Variants in MYO16 observed in about 807,000 individuals in gnomAD.
MYO16 encodes myosin XVI, also known as unconventional myosin-XVI.
A neutral mutation model predicts 205.3 loss-of-function variants in MYO16; 94 were observed. The ratio of observed to expected loss-of-function variants is 0.46; its 90% CI spans 0.39 to 0.54. The LOEUF is 0.54. Among genes scored for constraint, MYO16 ranks in the 20% least tolerant of loss-of-function variants. MYO16 has a pLI of 0.00. For missense variants in MYO16, 2,315 were observed against 2,387.5 expected (o/e 0.97, Z 0.63); for synonymous variants, 988 against 954.0 (o/e 1.04, Z -0.66).
chr13:108,915,710 G>A (rs1256611467), intron 16 of MYO16, among the ~76,000 whole-genome samples: 1 of 152,164 alleles, frequency 6.6e-6, no homozygotes, highest in Non-Finnish European at 1.5e-5. Context: ...AATCCAAAAA[G>A]TTATTCTGAA....
chr13:108,970,019 T>C (rs1344241602), intron 20 of MYO16, among the ~76,000 whole-genome samples: 1 of 152,220 alleles, frequency 6.6e-6, no homozygotes, highest in Non-Finnish European at 1.5e-5. Flanking sequence ...CCATTAAGTA[T>C]TTGCCATTCT....
the MYO16 span, among the ~76,000 whole-genome samples, chr13:108,549,382 T>A: frequency 6.6e-6 from 1 of 150,704 alleles, no homozygotes; most frequent in African/African-American, 2.4e-5. Context: ...CTGGATCTTC[T>A]CAAAGGAGCA....
intron 2 of MYO16, among the ~76,000 whole-genome samples, chr13:108,701,417 C>T (rs1009655338): frequency 3.3e-5 from 5 of 151,962 alleles, no homozygotes; most frequent in Admixed American, 3.3e-4. Context: ...GTGGGAGTGG[C>T]CCCCTTTTAA....
At chr13:109,048,297 T>G (rs1215096695) in intron 24 of MYO16, 2 of 726,468 alleles carry the variant, frequency 2.8e-6, no homozygotes, top group Non-Finnish European at 5.1e-6. Flanking sequence ...CAAAAAAAAG[T>G]TCCAGGAAAA....
chr13:109,173,931 G>A (rs1476223885), intron 33 of MYO16, among the ~76,000 whole-genome samples: 1 of 113,946 alleles, frequency 8.8e-6, no homozygotes, highest in Admixed American at 8.3e-5. Context: ...CTCTGAAAGG[G>A]TTGTCCTTGT....
At position 109,127,367 on chromosome 13, in the gene MYO16, G is replaced by T. The variant is rs377315850; in HGVS notation, c.3868G>T (p.Val1290Phe). The T allele has an allele frequency of 1.2e-6, 2 of 1,613,526 alleles. No individual in the cohort carries two copies. The change falls in exon 31 of 35, where the codon GTT becomes TTT. Residue 1290 changes from valine to phenylalanine, a missense_variant. Coordinates refer to ENST00000457511, the MANE Select transcript of MYO16 (RefSeq NM_001198950.3). This position sits in a 1 kb window ranked among gnomAD's most constrained non-coding sequence, Gnocchi z 4.2. Reference protein sequence around the residue: ...AAVDGLGQCLVGPSIWSPSLH... With the variant: ...AAVDGLGQCLFGPSIWSPSLH... The stretch of plus-strand genomic sequence containing the variant: ...CGTGGATGGCCTGGGCCAGTGCCTC[G>T]TTGGCCCGTCCATCTGGTCTCCTTC...
At chr13:108,869,731 T>TA (rs68025820) in intron 12 of MYO16, among the ~76,000 whole-genome samples, 2,444 of 66,900 alleles carry the variant, frequency 0.037, 221 homozygotes, top group Non-Finnish European at 0.042. Context: ...ACTCCGTTTC[T>TA]AAAAAAAAAA....
At chr13:109,000,407 G>T (rs924366728) in intron 21 of MYO16, among the ~76,000 whole-genome samples, 1 of 152,190 alleles carries the variant, frequency 6.6e-6, no homozygotes, top group Non-Finnish European at 1.5e-5. Flanking sequence ...GCAGATGTGT[G>T]AGGCCGCAGG....
chr13:108,725,146 A>G (rs571616163), intron 3 of MYO16, among the ~76,000 whole-genome samples: 9 of 152,254 alleles, frequency 5.9e-5, no homozygotes, highest in Admixed American at 3.9e-4. Flanking sequence ...AGTCTTTTTA[A>G]TATCTTTCAT....
At chr13:108,853,270 C>T (rs537484061) in intron 10 of MYO16, among the ~76,000 whole-genome samples, 10 of 152,126 alleles carry the variant, frequency 6.6e-5, no homozygotes, top group African/African-American at 2.2e-4. Context: ...TTTTGACAAC[C>T]CAGGAAACAC....
chr13:108,951,842 C>T (rs1025943936), intron 16 of MYO16, among the ~76,000 whole-genome samples: 1 of 152,182 alleles, frequency 6.6e-6, no homozygotes, highest in Non-Finnish European at 1.5e-5. Flanking sequence ...GTGGCGCATG[C>T]CTGTAATCCC....
intron 9 of MYO16, among the ~76,000 whole-genome samples, chr13:108,825,901 T>G (rs1876236351): frequency 6.6e-6 from 1 of 151,606 alleles, no homozygotes; most frequent in Non-Finnish European, 1.5e-5. Context: ...ACAAGAAAAT[T>G]TAAGAAAAGA....
At chr13:108,532,554 A>T in the MYO16 span, among the ~76,000 whole-genome samples, 4 of 151,812 alleles carry the variant, frequency 2.6e-5, no homozygotes, top group African/African-American at 2.4e-5. Context: ...AGGACTTGGG[A>T]TGCTGAGGTG....
chr13:108,810,827 G>T (rs967437482), intron 7 of MYO16, among the ~76,000 whole-genome samples: 1 of 152,138 alleles, frequency 6.6e-6, no homozygotes, highest in Non-Finnish European at 1.5e-5. Flanking sequence ...TATGGAGAAG[G>T]AGGTAGCTCA....
intron 20 of MYO16, among the ~76,000 whole-genome samples, chr13:108,974,004 C>A (rs915959332): frequency 6.6e-6 from 1 of 151,634 alleles, no homozygotes; most frequent in East Asian, 1.9e-4. Flanking sequence ...GACTGTCTAA[C>A]CAAATGACAG....
chr13:109,159,356 G>C (rs1594141459), intron 32 of MYO16, among the ~76,000 whole-genome samples: 2 of 152,286 alleles, frequency 1.3e-5, no homozygotes, highest in South Asian at 4.2e-4. Context: ...GTGGTGCGTG[G>C]CTTTACTGTA....
At chr13:108,768,323 T>C (rs915972649) in intron 4 of MYO16, among the ~76,000 whole-genome samples, 1 of 152,160 alleles carries the variant, frequency 6.6e-6, no homozygotes, top group Non-Finnish European at 1.5e-5. Flanking sequence ...TAGTAGAAAA[T>C]ACAAGATGAA....
intron 28 of MYO16, among the ~76,000 whole-genome samples, chr13:109,105,316 C>CA (rs1228239012): frequency 1.3e-5 from 2 of 151,958 alleles, no homozygotes; most frequent in East Asian, 1.9e-4. Flanking sequence ...ACTAAAAATA[C>CA]AAAAAAATAG....
intron 32 of MYO16, among the ~76,000 whole-genome samples, chr13:109,153,084 G>C (rs1235515074): frequency 6.6e-6 from 1 of 152,136 alleles, no homozygotes; most frequent in Non-Finnish European, 1.5e-5. Context: ...AAAACACGAC[G>C]TATCCATGAC....
Sources: gnomAD v4.1 joint callset for allele counts (sites outside exome capture counted in the v4.1 genomes callset) on GRCh38, gnomAD v4.1.1 for gene constraint, Gnocchi (gnomAD v3.1) non-coding constraint, MANE v1.5 for transcripts, NCBI Gene and HGNC (gene_info 2026-07-23, HGNC 2026-07-21) for gene names.